Variants in UNC5C observed in about 807,000 individuals in gnomAD.
The protein encoded by UNC5C is unc-5 netrin receptor C.
A neutral mutation model predicts 99.8 loss-of-function variants in UNC5C; 47 were observed. That is an observed-to-expected ratio of 0.47 (90% CI 0.37 to 0.60). UNC5C has a LOEUF of 0.60. UNC5C is among the 20% of genes least tolerant of loss of function. UNC5C has a pLI of 0.00. For missense variants in UNC5C, 1,062 were observed against 1,165.9 expected (o/e 0.91, Z 1.30); for synonymous variants, 487 against 452.2 (o/e 1.08, Z -0.98).
rs193062870 is a variant in UNC5C, at chr4:95,375,271, G to A, written c.125-39640C>T. The stretch of plus-strand genomic sequence containing the variant: ...ATTGGTTATGAAGAACATAATTGAA[G>A]AAAGCATTTTAAAACTTAGGTAAAA... On this transcript the variant is annotated intron_variant, in intron 1 of 15. Coordinates refer to ENST00000453304, the MANE Select transcript of UNC5C (RefSeq NM_003728.4). 3.8e-3 allele frequency among the ~76,000 whole-genome samples: 578 copies of A among 152,116 alleles called. 1 individual carries two copies. Among genetic ancestry groups the A allele is most frequent in the African/African-American group, 0.013 (544 of 41,536 alleles).
rs114364792 is a variant in UNC5C at position 95,221,639 on chromosome 4, C to T, written c.1109-1463G>A. ...AAAAATAATTTTCTTCCCAACATTT[C>T]CAGAATATTCACTTTCCCATCAATC... On this transcript the variant is annotated intron_variant, in intron 7 of 15. Transcript: ENST00000453304. 6.7e-3 allele frequency among the ~76,000 whole-genome samples: 1,023 copies of T among 152,278 alleles called. 13 individuals are homozygous for T. Among genetic ancestry groups the T allele is most frequent in the African/African-American group, 0.023 (960 of 41,552 alleles).
chr4:95,339,545 T>C (rs1743479826), intron 1 of UNC5C, among the ~76,000 whole-genome samples: 1 of 152,052 alleles, frequency 6.6e-6, no homozygotes, highest in East Asian at 1.9e-4. Flanking sequence ...TTTTTTTTCT[T>C]CAAGGACATC....
At chr4:95,258,746 C>CTTTTTTTTTTTTTTTTTTTTTTTTTTTTT (rs775570031) in intron 4 of UNC5C, among the ~76,000 whole-genome samples, 1 of 76,044 alleles carries the variant, frequency 1.3e-5, no homozygotes. Context: ...CCATCTTATT[C>CTTTTTTTTTTTTTTTTTTTTTTTTTTTTT]TTTTTTTTTT....
chr4:95,424,343 T>C (rs1011882944), intron 1 of UNC5C, among the ~76,000 whole-genome samples: 2 of 151,628 alleles, frequency 1.3e-5, no homozygotes, highest in African/African-American at 4.9e-5. Flanking sequence ...TCTGTGTATA[T>C]ATACACAGTG....
At chr4:95,273,431 C>T (rs996775926) in intron 4 of UNC5C, among the ~76,000 whole-genome samples, 10 of 152,134 alleles carry the variant, frequency 6.6e-5, no homozygotes, top group African/African-American at 2.4e-4. Context: ...TCTGGCTCTC[C>T]ATGTGACAGT....
intron 4 of UNC5C, among the ~76,000 whole-genome samples, chr4:95,267,554 T>C (rs926724694): frequency 6.6e-6 from 1 of 152,216 alleles, no homozygotes; most frequent in Non-Finnish European, 1.5e-5. Flanking sequence ...CATTTAGGAA[T>C]GTGAGCCATA....
chr4:95,479,148 A>G (rs1180147256), intron 1 of UNC5C, among the ~76,000 whole-genome samples: 1 of 152,018 alleles, frequency 6.6e-6, no homozygotes. Context: ...ACAAGCATCT[A>G]CCTTTAGAAA....
At chr4:95,258,618 T>G (rs1740095285) in intron 4 of UNC5C, among the ~76,000 whole-genome samples, 1 of 152,128 alleles carries the variant, frequency 6.6e-6, no homozygotes, top group Non-Finnish European at 1.5e-5. Flanking sequence ...CTCAAGTGTT[T>G]ATAAAGGCAT....
intron 3 of UNC5C, among the ~76,000 whole-genome samples, chr4:95,296,033 A>G (rs2149401911): frequency 6.6e-6 from 1 of 152,346 alleles, no homozygotes; most frequent in East Asian, 1.9e-4. Flanking sequence ...GGTTGCAATG[A>G]GCCGAGATTG....
At chr4:95,292,206 T>TAC (rs1741488400) in intron 3 of UNC5C, among the ~76,000 whole-genome samples, 2 of 105,850 alleles carry the variant, frequency 1.9e-5, no homozygotes, top group African/African-American at 3.6e-5. Flanking sequence ...CACATATATA[T>TAC]ACATATATAT....
intron 4 of UNC5C, among the ~76,000 whole-genome samples, chr4:95,269,761 G>A (rs1009551418): frequency 2.0e-5 from 3 of 151,800 alleles, no homozygotes; most frequent in Admixed American, 1.3e-4. Context: ...TGCCCAGGCT[G>A]GAGTACAATG....
At chr4:95,215,964 G>A (rs1738233886) in intron 10 of UNC5C, 160 bp downstream of exon 10, 1 of 525,230 alleles carries the variant, frequency 1.9e-6, no homozygotes, top group Non-Finnish European at 3.3e-6. Flanking sequence ...CAAAGACAAA[G>A]AGAAGTAAAA....
chr4:95,185,266 A>ATAAG (rs1736787024), intron 12 of UNC5C, 70 bp from the exon 13 acceptor site: 4 of 1,515,502 alleles, frequency 2.6e-6, no homozygotes, highest in African/African-American at 1.4e-5. Context: ...CTCTCATTGA[A>ATAAG]TAAGTTTCTT....
chr4:95,545,042 TA>T (rs1349263919), intron 1 of UNC5C, among the ~76,000 whole-genome samples: 1 of 152,248 alleles, frequency 6.6e-6, no homozygotes, highest in Non-Finnish European at 1.5e-5. Flanking sequence ...ACAATAATTC[TA>T]AATAAGCTAA....
chr4:95,501,594 C>T (rs1438170825), intron 1 of UNC5C, among the ~76,000 whole-genome samples: 1 of 152,016 alleles, frequency 6.6e-6, no homozygotes, highest in Non-Finnish European at 1.5e-5. Flanking sequence ...TATTTGGCTC[C>T]TCTTATTACA....
At chr4:95,360,595 T>C (rs895929554) in intron 1 of UNC5C, among the ~76,000 whole-genome samples, 6 of 152,210 alleles carry the variant, frequency 3.9e-5, no homozygotes, top group East Asian at 1.9e-4. Flanking sequence ...AATCTTAAAT[T>C]GCATTTTATC....
intron 1 of UNC5C, among the ~76,000 whole-genome samples, chr4:95,518,651 A>G (rs2149489494): frequency 6.6e-6 from 1 of 152,304 alleles, no homozygotes; most frequent in South Asian, 2.1e-4. Flanking sequence ...TCACTTTAAA[A>G]ATGCTTTTCA....
rs1465434069 is a variant in UNC5C at position 95,344,426 on chromosome 4, G to T, written c.125-8795C>A. Among the ~76,000 whole-genome samples the T allele has an allele frequency of 8.5e-5, 13 of 152,172 alleles. No individual in the cohort carries two copies. In the South Asian group the frequency reaches 2.7e-3, roughly 32 times the overall value. ...TAGAGATTTTATCAACACCAGACCT[G>T]CCCTACATGAGATGCAAAAAGGAGT... On this transcript the variant is annotated intron_variant, in intron 1 of 15. Coordinates refer to ENST00000453304, the MANE Select transcript of UNC5C (RefSeq NM_003728.4).
intron 1 of UNC5C, among the ~76,000 whole-genome samples, chr4:95,381,858 C>A (rs1004118705): frequency 2.6e-5 from 4 of 152,046 alleles, no homozygotes; most frequent in African/African-American, 9.7e-5. Flanking sequence ...TGGTATGATG[C>A]CAGTTTAATA....
Sources: gnomAD v4.1 joint callset for allele counts (sites outside exome capture counted in the v4.1 genomes callset) on GRCh38, gnomAD v4.1.1 for gene constraint, MANE v1.5 for transcripts, NCBI Gene and HGNC (gene_info 2026-07-23, HGNC 2026-07-21) for gene names.